The following APAF1 variants were observed in gnomAD, a reference collection of about 807,000 sequenced individuals.
APAF1 encodes the protein apoptotic peptidase activating factor 1, also known as apoptotic protease-activating factor 1.
A neutral mutation model predicts 152.4 loss-of-function variants in APAF1; 91 were observed. That is an observed-to-expected ratio of 0.60 (90% CI 0.50 to 0.71). APAF1 has a LOEUF of 0.71. Ranked by LOEUF, APAF1 falls within the 30% of genes least tolerant of loss-of-function variation. APAF1 has a pLI of 0.00. For synonymous variants in APAF1, 484 were observed against 494.1 expected (o/e 0.98, Z 0.27); for missense variants, 1,283 against 1,472.0 (o/e 0.87, Z 2.10).
Position 98,666,195 on chromosome 12 carries a change from A to G in APAF1, c.1200A>G (p.Leu400=), listed in dbSNP as rs368597507. ...ATACTTACAACAATTCCTAGGTGTT[A>G]TGTATTCTCTGGGACATGGAAACTG... ...QKDVKVPTKV[L]CILWDMETEE... The change falls in exon 9 of 27, where the codon TTA becomes TTG. Residue 400 remains leucine, a synonymous_variant. Transcript: ENST00000551964. The G allele has an allele frequency of 1.9e-6, 3 of 1,613,740 alleles. No individual in the cohort carries two copies. The highest frequency in any genetic ancestry group is 1.7e-4 in the Middle Eastern group (1 of 6,050).
chr12:98,647,587 G>A (rs1046911599), intron 1 of APAF1, among the ~76,000 whole-genome samples: 2 of 151,652 alleles, frequency 1.3e-5, no homozygotes, highest in African/African-American at 4.8e-5. Context: ...GGCCAGGCTG[G>A]TCTTGAATTC....
At chr12:98,723,508 A>G in intron 23 of APAF1, 131 bp from the exon 24 acceptor site, 1 of 1,006,660 alleles carries the variant, frequency 9.9e-7, no homozygotes, top group Non-Finnish European at 1.5e-6. Context: ...TCACATTTAA[A>G]GTAAAGGGGT....
rs531557355 is a variant in APAF1 at position 98,714,804 on chromosome 12, G to GT, written c.2959-616dup. ...AATGAAACATATTTCCTCTCTTTTT[G>GT]TTTTTTTGGTATGAGTTCATTTGAA... On this transcript the variant is annotated intron_variant, in intron 21 of 26. Transcript: ENST00000551964. Among the ~76,000 whole-genome samples, 14 of 133,450 alleles carry GT rather than the reference G, an allele frequency of 1.0e-4. No homozygotes were observed. The South Asian group carries it at 2.9e-3, about 28-fold the overall frequency. The allele number at this position is 133,450 out of a possible 152,430, so 87.5% of individuals were successfully genotyped here.
At chr12:98,693,792 G>GT (rs546014793) in intron 16 of APAF1, among the ~76,000 whole-genome samples, 10,898 of 129,104 alleles carry the variant, frequency 0.084, 412 homozygotes, top group East Asian at 0.24. Flanking sequence ...TTGTTTTTCA[G>GT]TTTTTTTTTT....
At chr12:98,715,073 C>CTTT (rs34325673) in intron 21 of APAF1, among the ~76,000 whole-genome samples, 1 of 125,990 alleles carries the variant, frequency 7.9e-6, no homozygotes, top group African/African-American at 3.0e-5. Flanking sequence ...TCTTAAATGT[C>CTTT]TTTTTTTTTT....
intron 22 of APAF1, among the ~76,000 whole-genome samples, chr12:98,722,344 T>C (rs1357134286): frequency 4.6e-5 from 7 of 152,212 alleles, no homozygotes; most frequent in Non-Finnish European, 8.8e-5. Flanking sequence ...GTATTTCTCA[T>C]TTTCTTTGCT....
chr12:98,711,295 A>T (rs1305521686), intron 20 of APAF1, among the ~76,000 whole-genome samples: 2 of 152,202 alleles, frequency 1.3e-5, no homozygotes, highest in Non-Finnish European at 2.9e-5. Flanking sequence ...GTGAGACTTA[A>T]AAAGTCATCT....
At chr12:98,664,774 A>G (rs997604118) in intron 7 of APAF1, among the ~76,000 whole-genome samples, 5 of 152,052 alleles carry the variant, frequency 3.3e-5, no homozygotes, top group Non-Finnish European at 7.4e-5. Flanking sequence ...CCCTCAAGCA[A>G]TCCTCCCACC....
intron 21 of APAF1, among the ~76,000 whole-genome samples, chr12:98,713,963 T>G (rs1169976159): frequency 1.3e-5 from 2 of 152,232 alleles, no homozygotes; most frequent in African/African-American, 4.8e-5. Flanking sequence ...TCTTTATTAT[T>G]GTGAAAAATT....
At position 98,658,529 on chromosome 12, in the gene APAF1, A is replaced by G. The variant is rs568203391; in HGVS notation, c.527-631A>G. 7.3e-4 allele frequency among the ~76,000 whole-genome samples: 111 copies of G among 152,324 alleles called. 1 individual carries two copies. The South Asian group carries it at 0.022, about 30-fold the overall frequency. On this transcript the variant is annotated intron_variant, in intron 4 of 26. Transcript: ENST00000551964. ...GTATAATCAATGAGACTGAGGTTAA[A>G]TGATTTGATAAAGATTGCTTAGCTA...
At chr12:98,665,277 T>TAC (rs2097670980) in intron 7 of APAF1, among the ~76,000 whole-genome samples, 1 of 88,220 alleles carries the variant, frequency 1.1e-5, no homozygotes, top group Admixed American at 1.2e-4. Flanking sequence ...TATATATATA[T>TAC]ATTTTTTTTT....
rs781120511 is a variant in APAF1 at position 98,727,213 on chromosome 12, C to G, written c.3497C>G (p.Ala1166Gly). 4.3e-6 allele frequency: 7 copies of G among 1,613,966 alleles called. No individual in the cohort carries two copies. Among genetic ancestry groups the G allele is most frequent in the Non-Finnish European group, 5.1e-6 (6 of 1,180,018 alleles). ...VSNGELLHLC[A>G]PLSEEGAATH... ...AACGGTGAGCTTCTTCATTTGTGTGCTCCGCTTTCAGAAGAAGGAGCTGCT... is the reference window on the plus strand; with the variant it reads ...AACGGTGAGCTTCTTCATTTGTGTGGTCCGCTTTCAGAAGAAGGAGCTGCT... Residue 1166 changes from alanine (A) to glycine (G), a missense_variant, in exon 26 of 27, where the codon GCT (alanine) becomes GGT (glycine). Physicochemically the swap from Ala to Gly is moderately conservative, Grantham distance 60 (BLOSUM62 0). Coordinates refer to ENST00000551964, the MANE Select transcript of APAF1 (RefSeq NM_181861.2).
chr12:98,718,324 C>T (rs757791240), intron 22 of APAF1, among the ~76,000 whole-genome samples: 15 of 152,092 alleles, frequency 9.9e-5, no homozygotes, highest in Non-Finnish European at 2.1e-4. Flanking sequence ...CCTCCACCTC[C>T]GAGGTTCAAG....
At chr12:98,696,357 C>G (rs1038464607) in intron 16 of APAF1, among the ~76,000 whole-genome samples, 1 of 152,102 alleles carries the variant, frequency 6.6e-6, no homozygotes, top group African/African-American at 2.4e-5. Flanking sequence ...TTCAACAACC[C>G]GCACTCTTGA....
intron 17 of APAF1, among the ~76,000 whole-genome samples, chr12:98,702,605 A>C (rs1386992318): frequency 6.6e-6 from 1 of 151,674 alleles, no homozygotes; most frequent in African/African-American, 2.4e-5. Flanking sequence ...TGGGCGGATC[A>C]CCTGAGGTCA....
intron 10 of APAF1, among the ~76,000 whole-genome samples, chr12:98,670,099 C>A (rs894386135): frequency 1.3e-5 from 2 of 152,016 alleles, no homozygotes; most frequent in African/African-American, 4.8e-5. Context: ...TGTGCACCAC[C>A]ACACCCGGCT....
chr12:98,713,232 T>C (rs1163454433), intron 21 of APAF1, among the ~76,000 whole-genome samples: 2 of 152,256 alleles, frequency 1.3e-5, no homozygotes, highest in Admixed American at 6.5e-5. Context: ...CCTTTATTAC[T>C]GTTTCTCATG....
rs1397949057 is a variant in APAF1, at chr12:98,732,518, G to A, written c.3699G>A (p.Val1233=). ...TGTCCCCTGACTTCAAAACATATGT[G>A]ACTGTGGATAATCTTGGTATTTTAT... ...IHVSPDFKTY[V]TVDNLGILYI... Residue 1233 remains valine (V), a synonymous_variant, in exon 27 of 27, where the codon GTG becomes GTA. Coordinates refer to ENST00000551964, the MANE Select transcript of APAF1 (RefSeq NM_181861.2). 6.4e-7 allele frequency: 1 copy of A among 1,574,434 alleles called. No individual in the cohort carries two copies. The highest frequency in any genetic ancestry group is 8.7e-7 in the Non-Finnish European group (1 of 1,144,054).
intron 7 of APAF1, among the ~76,000 whole-genome samples, chr12:98,664,052 C>T (rs1008688965): frequency 6.6e-6 from 1 of 152,008 alleles, no homozygotes; most frequent in African/African-American, 2.4e-5. Context: ...ACGAGTCTCA[C>T]TCTGTCGCCC....
Sources: allele counts gnomAD v4.1 joint callset (sites outside exome capture counted in the v4.1 genomes callset), GRCh38; gene constraint gnomAD v4.1.1; transcripts MANE v1.5; gene names NCBI Gene and HGNC (gene_info 2026-07-23, HGNC 2026-07-21).